The following CCDC88C variants were observed in gnomAD, a reference collection of about 807,000 sequenced individuals.
CCDC88C encodes coiled-coil and HOOK domain protein 88C.
CCDC88C carries 131 observed loss-of-function variants against 198.8 expected under a neutral mutation model. That is an observed-to-expected ratio of 0.66 (90% confidence interval 0.57 to 0.76). CCDC88C has a LOEUF of 0.76. Among genes scored for constraint, CCDC88C ranks in the 30% least tolerant of loss-of-function variants. The pLI is 0.00. For missense variants in CCDC88C, 2,553 were observed against 2,631.6 expected (o/e 0.97, Z 0.65); for synonymous variants, 1,166 against 1,114.7 (o/e 1.05, Z -0.92).
chr14:91,303,740 T>A lies in CCDC88C; in HGVS notation c.3596A>T (p.His1199Leu). Residue 1199 changes from histidine to leucine, a missense_variant, in exon 20 of 30, where the codon CAT becomes CTT. Physicochemically the swap from His to Leu is moderately conservative, Grantham distance 99. Transcript: ENST00000389857. ...IRQHSCLKTL[H>L]RNLELEHKEL... ...CTTGTGCTCCAGCTCCAGATTCCGATGCAGTGTCTTTAGGCAGCTGTGCTG... is the reference window on the plus strand; with the variant it reads ...CTTGTGCTCCAGCTCCAGATTCCGAAGCAGTGTCTTTAGGCAGCTGTGCTG... The A allele has an allele frequency of 1.9e-6, 3 of 1,609,346 alleles. No individual in the cohort carries two copies. The Admixed American group carries it at 5.0e-5, about 27-fold the overall frequency.
rs1596171265 is a variant in CCDC88C at position 91,408,259 on chromosome 14, T to C, written c.270+400A>G. 7 of 192,806 alleles carry C rather than the reference T, an allele frequency of 3.6e-5. No individual in the cohort carries two copies. In the East Asian group the frequency reaches 9.5e-4, roughly 26 times the overall value. The allele number at this position is 192,806 out of a possible 1,614,324, so 11.9% of individuals were successfully genotyped here. On this transcript the variant is annotated intron_variant, in intron 3 of 29. Coordinates refer to ENST00000389857, the MANE Select transcript of CCDC88C (RefSeq NM_001080414.4). ...CATAACCCTCCAGTGGTTCCTCCTC[T>C]CCCTCAACCCTTGAATGGCTCCTGT...
rs1309638550 is a variant in CCDC88C, at chr14:91,324,867, A to G, written c.1254T>C (p.Leu418=). 5 of 1,613,428 alleles carry G rather than the reference A, an allele frequency of 3.1e-6. No homozygotes were observed. The highest frequency in any genetic ancestry group is 2.7e-5 in the African/African-American group (2 of 74,890). Residue 418 remains leucine (L), a synonymous_variant, in exon 12 of 30, where the codon CTT becomes CTC. Coordinates refer to ENST00000389857, the MANE Select transcript of CCDC88C (RefSeq NM_001080414.4). ...TCATGCTCTGCTTCTGTGCAATCTC[A>G]AGGACCATGTTTTCTTCCAGCAGCT... ...IEELLEENMV[L]EIAQKQSMNE...
At chr14:91,285,445 C>G (rs993133938) in intron 25 of CCDC88C, 11 of 54,882 alleles carry the variant, frequency 2.0e-4, no homozygotes, top group African/African-American at 1.3e-3. Flanking sequence ...TCCTGAGGCT[C>G]CCCCTAAAAC....
chr14:91,406,934 C>T (rs1001412049), intron 3 of CCDC88C, among the ~76,000 whole-genome samples: 3 of 152,232 alleles, frequency 2.0e-5, no homozygotes, highest in Admixed American at 6.5e-5. Context: ...CCTCGGCCCC[C>T]ACCTCAGACA....
chr14:91,359,565 G>T, intron 4 of CCDC88C, 77 bp downstream of exon 4: 1 of 1,174,800 alleles, frequency 8.5e-7, no homozygotes, highest in Non-Finnish European at 1.2e-6. Flanking sequence ...GGCAGCCGGA[G>T]CTCGATGGCC....
At chr14:91,335,648 C>A (rs971684794) in intron 10 of CCDC88C, among the ~76,000 whole-genome samples, 1 of 152,180 alleles carries the variant, frequency 6.6e-6, no homozygotes, top group Non-Finnish European at 1.5e-5. Flanking sequence ...GAGGCTAAGC[C>A]CTGTGGGTCC....
intron 24 of CCDC88C, 103 bp downstream of exon 24, chr14:91,290,892 G>GTGGA: frequency 1.4e-6 from 1 of 698,724 alleles, no homozygotes; most frequent in East Asian, 2.7e-5. Context: ...CTGTGCACAG[G>GTGGA]TGGATGGTGC....
chr14:91,295,067 A>G (rs1890943392), intron 22 of CCDC88C, among the ~76,000 whole-genome samples: 1 of 152,208 alleles, frequency 6.6e-6, no homozygotes, highest in African/African-American at 2.4e-5. Context: ...TCATGGGGCC[A>G]CCGTAAGGAC....
At chr14:91,408,169 C>G (rs746274331) in intron 3 of CCDC88C, 1 of 159,864 alleles carries the variant, frequency 6.3e-6, no homozygotes, top group Non-Finnish European at 1.4e-5. Context: ...AAGACAGACG[C>G]TCCCTAAGCC....
At chr14:91,282,639 T>A (rs575327221) in intron 26 of CCDC88C, among the ~76,000 whole-genome samples, 1 of 152,286 alleles carries the variant, frequency 6.6e-6, no homozygotes, top group African/African-American at 2.4e-5. Flanking sequence ...TATTTTAATC[T>A]CATGCCTAAA....
At chr14:91,404,156 C>T (rs1886359118) in intron 3 of CCDC88C, among the ~76,000 whole-genome samples, 3 of 152,168 alleles carry the variant, frequency 2.0e-5, no homozygotes, top group Admixed American at 1.3e-4. Flanking sequence ...GCCTTTTCTT[C>T]TCCAAAATGC....
rs1355215957 is a variant in CCDC88C, at chr14:91,313,741, A to G, written c.2075T>C (p.Leu692Pro). Residue 692 changes from leucine to proline, a missense_variant, in exon 15 of 30, where the codon CTT becomes CCT. By Grantham distance (98) the Leu-to-Pro change is moderately conservative (BLOSUM62 -3). Coordinates refer to ENST00000389857, the MANE Select transcript of CCDC88C (RefSeq NM_001080414.4). The surrounding 1 kb of genome is among the most constrained non-coding windows in gnomAD (Gnocchi z 5.2). ...LDTLQNVSLQ[L>P]EGLERDNKQL... Reference sequence around the variant, plus strand: ...CTTGTTGTCACGCTCCAGGCCCTCAAGCTGCAGGGACACGTTCTGCAAGGT... The same window carrying G: ...CTTGTTGTCACGCTCCAGGCCCTCAGGCTGCAGGGACACGTTCTGCAAGGT... 1.2e-6 allele frequency: 2 copies of G among 1,608,620 alleles called. No homozygotes were observed. The highest frequency in any genetic ancestry group is 1.7e-6 in the Non-Finnish European group (2 of 1,179,782).
At position 91,371,474 on chromosome 14, in the gene CCDC88C, G is replaced by C. The variant is rs1268476497; in HGVS notation, c.271-11763C>G. Among the ~76,000 whole-genome samples the C allele has an allele frequency of 6.6e-6, 1 of 152,038 alleles. No individual in the cohort carries two copies. ...CAGGCCCAGCCAACCTCACCCGCCG[G>C]TGGCAGGAGTACAGAGGCCGGCGGT... On this transcript the variant is annotated intron_variant, in intron 3 of 29. Transcript: ENST00000389857. This position sits in a 1 kb window ranked among gnomAD's most constrained non-coding sequence, Gnocchi z 4.2.
In CCDC88C at chr14:91,308,481, A is replaced by G; in HGVS notation, c.2876T>C (p.Ile959Thr). ...TGCTGATTCATTTCTGCCCTCCAAAATCTTGTATTTTCTGGAAAACACAAA... is the reference window on the plus strand; with the variant it reads ...TGCTGATTCATTTCTGCCCTCCAAAGTCTTGTATTTTCTGGAAAACACAAA... The part of the protein sequence containing the change: ...DDSGSDTKYK[I>T]LEGRNESALK... The change falls in exon 17 of 30, where the codon ATT (isoleucine) becomes ACT (threonine). Residue 959 changes from isoleucine to threonine, a missense_variant. Transcript: ENST00000389857. The G allele has an allele frequency of 6.2e-7, 1 of 1,613,806 alleles. No homozygotes were observed. The highest frequency in any genetic ancestry group is 8.5e-7 in the Non-Finnish European group (1 of 1,179,834).
At position 91,324,937 on chromosome 14, in the gene CCDC88C, GAA is replaced by G. The variant is rs777913816; in HGVS notation, c.1198-16_1198-15del. The G allele has an allele frequency of 1.9e-6, 3 of 1,613,064 alleles. No homozygotes were observed. In the South Asian group the frequency reaches 3.3e-5, roughly 18 times the overall value. On this transcript the variant is annotated splice_polypyrimidine_tract_variant and intron_variant, in intron 11 of 29. Coordinates refer to ENST00000389857, the MANE Select transcript of CCDC88C (RefSeq NM_001080414.4). ...TGTGTCCCGGTCCTGGGGCAAGCAA[GAA>G]GAGGCAAGAAGTGAGGCTGCACAGC...
intron 20 of CCDC88C, among the ~76,000 whole-genome samples, chr14:91,300,532 C>A (rs1388091430): frequency 6.6e-6 from 1 of 152,208 alleles, no homozygotes; most frequent in East Asian, 1.9e-4. Flanking sequence ...GCTGGAGAAG[C>A]CTCTCCCTCT....
At chr14:91,404,416 T>C (rs1256568912) in intron 3 of CCDC88C, among the ~76,000 whole-genome samples, 1 of 152,220 alleles carries the variant, frequency 6.6e-6, no homozygotes, top group East Asian at 1.9e-4. Flanking sequence ...AACGTGACTC[T>C]TCTAGAAATC....
chr14:91,312,194 G>C (rs1452791553), intron 15 of CCDC88C, among the ~76,000 whole-genome samples: 1 of 152,044 alleles, frequency 6.6e-6, no homozygotes, highest in Non-Finnish European at 1.5e-5. Context: ...TTCAAGACCA[G>C]CCTGGCCAAG....
Position 91,305,805 on chromosome 14 carries a change from TC to T in CCDC88C, c.3316del (p.Glu1106SerfsTer20). 6.2e-7 allele frequency: 1 copy of T among 1,613,726 alleles called. No homozygotes were observed. The highest frequency in any genetic ancestry group is 8.5e-7 in the Non-Finnish European group (1 of 1,179,662). On this transcript the variant is annotated frameshift_variant, in exon 19 of 30. Coordinates refer to ENST00000389857, the MANE Select transcript of CCDC88C (RefSeq NM_001080414.4). LOFTEE classifies it high-confidence loss of function. ...TLQKQSAFLQ[E>X]HNTTLQTQTA... ...CTGGGTCTGCAGTGTGGTGTTGTGCTCCTGCAGGAAGGCGCTCTGTTTCTGC... is the reference window on the plus strand; with the variant it reads ...CTGGGTCTGCAGTGTGGTGTTGTGCTCTGCAGGAAGGCGCTCTGTTTCTGC...
Sources: gnomAD v4.1 joint callset for allele counts (sites outside exome capture counted in the v4.1 genomes callset) on GRCh38, gnomAD v4.1.1 for gene constraint, Gnocchi (gnomAD v3.1) non-coding constraint, MANE v1.5 for transcripts, NCBI Gene and HGNC (gene_info 2026-07-23, HGNC 2026-07-21) for gene names.